The following PTPRG variants were observed in gnomAD, a reference collection of about 807,000 sequenced individuals.
The protein encoded by PTPRG is protein tyrosine phosphatase receptor type G, also known as receptor-type tyrosine-protein phosphatase gamma.
Under a neutral mutation model 165.3 loss-of-function variants are expected in PTPRG, and 102 were observed. The ratio of observed to expected loss-of-function variants is 0.62; its 90% CI spans 0.53 to 0.73. The LOEUF (loss-of-function observed/expected upper bound fraction) is 0.73. PTPRG is among the 30% of genes least tolerant of loss of function. PTPRG has a pLI of 0.00. For synonymous variants in PTPRG, 675 were observed against 669.5 expected (o/e 1.01, Z -0.13); for missense variants, 1,866 against 1,861.4 (o/e 1.00, Z -0.05).
intron 13 of PTPRG, among the ~76,000 whole-genome samples, chr3:62,227,021 G>A (rs988173165): frequency 3.9e-5 from 6 of 152,172 alleles, no homozygotes; most frequent in African/African-American, 1.4e-4. Flanking sequence ...ATGAAGGGAT[G>A]CAAACCGCAA....
At chr3:62,006,501 T>C (rs867524335) in intron 4 of PTPRG, among the ~76,000 whole-genome samples, 7 of 152,218 alleles carry the variant, frequency 4.6e-5, no homozygotes, top group Middle Eastern at 3.2e-3. Context: ...AACTACATTG[T>C]TTTCATTCTT....
intron 4 of PTPRG, among the ~76,000 whole-genome samples, chr3:62,029,566 C>G (rs191959711): frequency 4.6e-4 from 70 of 152,340 alleles, no homozygotes; most frequent in Non-Finnish European, 5.6e-4. Context: ...CATTGGAAAA[C>G]TTACCATCTG....
At position 62,237,097 on chromosome 3, in the gene PTPRG, A is replaced by G. The variant is rs1397521842; in HGVS notation, c.2375+5786A>G. Among the ~76,000 whole-genome samples the G allele has an allele frequency of 2.6e-5, 4 of 152,170 alleles. No individual in the cohort carries two copies. Among genetic ancestry groups the G allele is most frequent in the African/African-American group, 9.7e-5 (4 of 41,432 alleles). On this transcript the variant is annotated intron_variant, in intron 14 of 29. Transcript: ENST00000474889. The surrounding 1 kb of genome is among the most constrained non-coding windows in gnomAD (Gnocchi z 4.5). ...GCTTCTGAAAAATATTGGTCACTAA[A>G]TTATTTCCAGGTTCTTGTCAGAAGG...
In PTPRG at chr3:62,095,034, T is replaced by C. The variant is rs1189518492; in HGVS notation, c.615+16776T>C. Among the ~76,000 whole-genome samples, 7 of 152,350 alleles carry C rather than the reference T, an allele frequency of 4.6e-5. No homozygotes were observed. In the East Asian group the frequency reaches 1.3e-3, roughly 29 times the overall value. ...ATAATCTTCTCTCTGGCTTTATAAA[T>C]GATGAAATGTCGCACAGGGTTTTCT... On this transcript the variant is annotated intron_variant, in intron 5 of 29. Coordinates refer to ENST00000474889, the MANE Select transcript of PTPRG (RefSeq NM_002841.4).
chr3:62,257,688 CT>C (rs1443595050), intron 16 of PTPRG, among the ~76,000 whole-genome samples: 2 of 152,168 alleles, frequency 1.3e-5, no homozygotes, highest in Non-Finnish European at 2.9e-5. Flanking sequence ...GGCACAGTGG[CT>C]CACACCTGTA....
At position 62,190,523 on chromosome 3, in the gene PTPRG, C is replaced by A. The variant is rs566487263; in HGVS notation, c.1034-946C>A. On this transcript the variant is annotated intron_variant, in intron 8 of 29. Transcript: ENST00000474889. This position sits in a 1 kb window ranked among gnomAD's most constrained non-coding sequence, Gnocchi z 5.2. Reference sequence around the variant, plus strand: ...GTTTGTCTGTAAATAGATTTAGATCCACCGTGTCCCTTAAACCTCTCAGCC... The same window carrying A: ...GTTTGTCTGTAAATAGATTTAGATCAACCGTGTCCCTTAAACCTCTCAGCC... 4.6e-5 allele frequency among the ~76,000 whole-genome samples: 7 copies of A among 152,224 alleles called. No homozygotes were observed. The highest frequency in any genetic ancestry group is 3.3e-4 in the Admixed American group (5 of 15,278).
intron 2 of PTPRG, among the ~76,000 whole-genome samples, chr3:61,779,071 C>G (rs1357247942): frequency 6.6e-6 from 1 of 152,164 alleles, no homozygotes; most frequent in Admixed American, 6.5e-5. Context: ...CACACAGACA[C>G]ACACACACGT....
chr3:62,165,651 A>G (rs970503064), intron 7 of PTPRG, among the ~76,000 whole-genome samples: 6 of 152,220 alleles, frequency 3.9e-5, no homozygotes, highest in African/African-American at 1.2e-4. Flanking sequence ...TTTGGCTTTT[A>G]GGCTGGTTGT....
At chr3:62,174,540 C>G (rs1274448465) in intron 8 of PTPRG, among the ~76,000 whole-genome samples, 1 of 152,092 alleles carries the variant, frequency 6.6e-6, no homozygotes, top group Non-Finnish European at 1.5e-5. Context: ...ACATGTACCA[C>G]CGTGCAAGGA....
intron 2 of PTPRG, among the ~76,000 whole-genome samples, chr3:61,962,509 C>T (rs1474616070): frequency 2.8e-4 from 43 of 152,124 alleles, no homozygotes; most frequent in Non-Finnish European, 4.4e-5. Flanking sequence ...TATAGGAAAA[C>T]TGTTCCTTTG....
intron 2 of PTPRG, among the ~76,000 whole-genome samples, chr3:61,872,539 G>A (rs2037613025): frequency 6.6e-6 from 1 of 152,174 alleles, no homozygotes; most frequent in South Asian, 2.1e-4. Context: ...GCTTGCCGAT[G>A]CAATAAGATG....
intron 5 of PTPRG, among the ~76,000 whole-genome samples, chr3:62,121,519 A>G (rs1271636041): frequency 1.3e-5 from 2 of 152,148 alleles, no homozygotes; most frequent in South Asian, 2.1e-4. Context: ...GAAACCCTGT[A>G]CTTAACCACT....
At chr3:61,628,102 A>G (rs1461275002) in intron 1 of PTPRG, among the ~76,000 whole-genome samples, 1 of 152,226 alleles carries the variant, frequency 6.6e-6, no homozygotes, top group African/African-American at 2.4e-5. Flanking sequence ...TTATTTCCAT[A>G]TTGCATCGTC....
intron 2 of PTPRG, among the ~76,000 whole-genome samples, chr3:61,937,032 C>G (rs138942684): frequency 1.3e-5 from 2 of 152,094 alleles, no homozygotes; most frequent in African/African-American, 4.8e-5. Flanking sequence ...TTTGAGACAT[C>G]CCTCGGGGAT....
At chr3:61,607,659 T>C (rs1429960143) in intron 1 of PTPRG, among the ~76,000 whole-genome samples, 1 of 152,222 alleles carries the variant, frequency 6.6e-6, no homozygotes, top group Non-Finnish European at 1.5e-5. Context: ...TGCTTCTCTT[T>C]AGAAGTGACA....
chr3:61,839,266 A>C (rs2036553590), intron 2 of PTPRG, among the ~76,000 whole-genome samples: 1 of 152,214 alleles, frequency 6.6e-6, no homozygotes, highest in Non-Finnish European at 1.5e-5. Flanking sequence ...ATTACACCTG[A>C]AAAATATTTA....
intron 26 of PTPRG, among the ~76,000 whole-genome samples, chr3:62,277,905 A>G (rs1051802597): frequency 2.0e-5 from 3 of 152,006 alleles, no homozygotes; most frequent in Non-Finnish European, 4.4e-5. Context: ...TCACCCTTCA[A>G]TTGTACTGTC....
At chr3:61,782,267 G>A (rs2034568573) in intron 2 of PTPRG, among the ~76,000 whole-genome samples, 2 of 152,190 alleles carry the variant, frequency 1.3e-5, no homozygotes, top group Admixed American at 1.3e-4. Context: ...TTACTCTAGT[G>A]TAGTTATCTC....
At chr3:61,860,415 C>CT (rs1279437691) in intron 2 of PTPRG, among the ~76,000 whole-genome samples, 3 of 132,168 alleles carry the variant, frequency 2.3e-5, no homozygotes, top group African/African-American at 5.5e-5. Context: ...AATAGCTGTG[C>CT]TTTTTTTTGT....
Sources: gnomAD v4.1 joint callset for allele counts (sites outside exome capture counted in the v4.1 genomes callset) on GRCh38, gnomAD v4.1.1 for gene constraint, Gnocchi (gnomAD v3.1) non-coding constraint, MANE v1.5 for transcripts, NCBI Gene and HGNC (gene_info 2026-07-23, HGNC 2026-07-21) for gene names.